MGAT4C: variants seen among roughly 807,000 people sequenced by gnomAD.
MGAT4C encodes the protein alpha-1,3-mannosyl-glycoprotein 4-beta-N-acetylglucosaminyltransferase C.
MGAT4C carries 19 observed loss-of-function variants against 40.1 expected under a neutral mutation model. That is an observed-to-expected ratio of 0.47 (90% confidence interval 0.33 to 0.70). The LOEUF (loss-of-function observed/expected upper bound fraction) is 0.70, where lower values mean the gene tolerates loss of function less well. Ranked by LOEUF, MGAT4C falls within the 30% of genes least tolerant of loss-of-function variation. The pLI is 0.02. For missense variants in MGAT4C, 491 were observed against 563.2 expected, an observed-to-expected ratio of 0.87 and a Z score of 1.30; for synonymous variants, 181 against 187.1, an observed-to-expected ratio of 0.97 and a Z score of 0.27.
At chr12:86,072,201 T>A (rs1290678846) in intron 1 of MGAT4C, among the ~76,000 whole-genome samples, 1 of 152,110 alleles carries the variant, frequency 6.6e-6, no homozygotes, top group Non-Finnish European at 1.5e-5. Context: ...TGCCTGAGGT[T>A]ACAGAGCTAG....
chr12:85,985,743 A>T (rs1885128908), intron 3 of MGAT4C, among the ~76,000 whole-genome samples: 1 of 152,190 alleles, frequency 6.6e-6, no homozygotes, highest in Admixed American at 6.5e-5. Flanking sequence ...ATTGGTGTTT[A>T]CCTGCATACC....
intron 1 of MGAT4C, among the ~76,000 whole-genome samples, chr12:86,255,300 T>C (rs1361786341): frequency 1.3e-5 from 2 of 152,072 alleles, no homozygotes; most frequent in Admixed American, 6.6e-5. Context: ...ATAGACAACA[T>C]TTGAGGGGAT....
At chr12:86,784,550 C>T (rs532297164) in intron 1 of MGAT4C, among the ~76,000 whole-genome samples, 1 of 151,898 alleles carries the variant, frequency 6.6e-6, no homozygotes, top group South Asian at 2.1e-4. Flanking sequence ...CTCATTAACG[C>T]TAATTACCTC....
chr12:86,151,338 C>T (rs1593081356), intron 1 of MGAT4C, among the ~76,000 whole-genome samples: 3 of 152,030 alleles, frequency 2.0e-5, no homozygotes, highest in East Asian at 1.9e-4. Flanking sequence ...ACTGGCCGGG[C>T]GCGGTGGCTC....
At chr12:86,614,215 T>C (rs989219950) in intron 2 of MGAT4C, among the ~76,000 whole-genome samples, 1 of 152,170 alleles carries the variant, frequency 6.6e-6, no homozygotes, top group Non-Finnish European at 1.5e-5. Context: ...TATGATAGGC[T>C]GCTCTGTAAC....
intron 2 of MGAT4C, among the ~76,000 whole-genome samples, chr12:86,684,208 A>G (rs905923048): frequency 6.6e-6 from 1 of 151,904 alleles, no homozygotes; most frequent in Non-Finnish European, 1.5e-5. Flanking sequence ...ACAGGCCCTG[A>G]TGTGTGATGT....
chr12:86,203,546 C>T (rs944481420), intron 1 of MGAT4C, among the ~76,000 whole-genome samples: 1 of 152,094 alleles, frequency 6.6e-6, no homozygotes, highest in Non-Finnish European at 1.5e-5. Context: ...GTTTTGGTAG[C>T]TCCAAACTAA....
At chr12:86,228,612 A>G (rs965460798) in intron 1 of MGAT4C, among the ~76,000 whole-genome samples, 2 of 151,832 alleles carry the variant, frequency 1.3e-5, no homozygotes, top group Non-Finnish European at 3.0e-5. Flanking sequence ...TGAACACTGT[A>G]TTAGTCCCCC....
rs373085976 is a variant in MGAT4C at position 86,776,452 on chromosome 12, AT to A, written c.-261-49212del. On this transcript the variant is annotated intron_variant, in intron 1 of 7. Coordinates refer to the MGAT4C transcript ENST00000548651. ...TTGATATGAAGAATAAATTTAAGAT[AT>A]CATGTTACCCTTCAACTTTTTTATA... Among the ~76,000 whole-genome samples, 99 of 152,116 alleles carry A rather than the reference AT, an allele frequency of 6.5e-4. 1 individual carries two copies. The East Asian group carries it at 0.018, about 28-fold the overall frequency.
chr12:86,208,308 T>C (rs949233591), intron 1 of MGAT4C, among the ~76,000 whole-genome samples: 2 of 152,068 alleles, frequency 1.3e-5, no homozygotes, highest in African/African-American at 4.8e-5. Context: ...TTTACTATAA[T>C]ACAAAACAGT....
chr12:86,255,712 C>T (rs983532458), intron 1 of MGAT4C, among the ~76,000 whole-genome samples: 8 of 151,826 alleles, frequency 5.3e-5, no homozygotes, highest in Non-Finnish European at 1.2e-4. Context: ...ATGTAAAGTC[C>T]TACAACTTTA....
chr12:86,378,961 G>T (rs1955880651), intron 3 of MGAT4C, among the ~76,000 whole-genome samples: 2 of 152,038 alleles, frequency 1.3e-5, no homozygotes, highest in African/African-American at 4.8e-5. Context: ...GGAGCTCTTA[G>T]AATCAACCTG....
rs192924015 is a variant in MGAT4C at position 86,729,866 on chromosome 12, T to C, written c.-261-2625A>G. Among the ~76,000 whole-genome samples the C allele has an allele frequency of 1.5e-3, 225 of 152,258 alleles. 1 individual carries two copies. Among genetic ancestry groups the C allele is most frequent in the African/African-American group, 5.0e-3 (209 of 41,588 alleles). ...GGAGATTTAAAATGTTTATACAGAC[T>C]TCAATTGCTCTTGTTCCTAATAGGC... On this transcript the variant is annotated intron_variant, in intron 1 of 7. Coordinates refer to the MGAT4C transcript ENST00000548651.
intron 4 of MGAT4C, among the ~76,000 whole-genome samples, chr12:86,319,652 G>A (rs1003162560): frequency 6.6e-6 from 1 of 152,108 alleles, no homozygotes; most frequent in African/African-American, 2.4e-5. Flanking sequence ...CTCTATTTCT[G>A]CTGAATTCCT....
chr12:86,296,309 C>T (rs142486383), intron 4 of MGAT4C, among the ~76,000 whole-genome samples: 1,731 of 152,328 alleles, frequency 0.011, 26 homozygotes, highest in African/African-American at 0.034. Context: ...TCTCCACGTC[C>T]CCACCAGACT....
At chr12:86,192,234 A>C (rs1169429950) in intron 1 of MGAT4C, among the ~76,000 whole-genome samples, 1 of 152,046 alleles carries the variant, frequency 6.6e-6, no homozygotes, top group East Asian at 1.9e-4. Flanking sequence ...CTAGAACCTA[A>C]AGTATAATAG....
intron 2 of MGAT4C, among the ~76,000 whole-genome samples, chr12:86,515,554 A>G (rs1168651143): frequency 6.6e-6 from 1 of 152,052 alleles, no homozygotes; most frequent in Non-Finnish European, 1.5e-5. Flanking sequence ...CAAGAAAACA[A>G]TCAATGTAAA....
chr12:85,993,536 G>A (rs1886234244), intron 2 of MGAT4C, among the ~76,000 whole-genome samples: 1 of 152,174 alleles, frequency 6.6e-6, no homozygotes, highest in African/African-American at 2.4e-5. Context: ...TCATCAGTGG[G>A]GCTGGAGGGG....
intron 2 of MGAT4C, among the ~76,000 whole-genome samples, chr12:86,708,406 G>A (rs1484631029): frequency 6.6e-6 from 1 of 152,232 alleles, no homozygotes; most frequent in African/African-American, 2.4e-5. Flanking sequence ...TGCAAGGGTG[G>A]GGCCCTCATG....
Sources: allele counts gnomAD v4.1 joint callset (sites outside exome capture counted in the v4.1 genomes callset), GRCh38; gene constraint gnomAD v4.1.1; transcripts MANE v1.5; gene names NCBI Gene and HGNC (gene_info 2026-07-23, HGNC 2026-07-21).